The following LDLRAD4 variants were observed in gnomAD, a reference collection of about 807,000 sequenced individuals.
LDLRAD4 encodes low-density lipoprotein receptor class A domain-containing protein 4.
In LDLRAD4, 5 loss-of-function variants were observed where a neutral mutation model predicts 17.0. The observed-to-expected ratio is 0.29, with a 90% confidence interval of 0.15 to 0.62. LDLRAD4 has a LOEUF of 0.62. LDLRAD4 is among the 20% of genes least tolerant of loss of function. The pLI, the probability that LDLRAD4 is intolerant of heterozygous loss-of-function variation, is 0.84. For missense variants in LDLRAD4, 340 were observed against 424.7 expected, an observed-to-expected ratio of 0.80 and a Z score of 1.75; for synonymous variants, 168 against 171.8, an observed-to-expected ratio of 0.98 and a Z score of 0.17.
At chr18:13,242,376 AG>A (rs1310219513) in intron 1 of LDLRAD4, among the ~76,000 whole-genome samples, 1 of 152,210 alleles carries the variant, frequency 6.6e-6, no homozygotes, top group Non-Finnish European at 1.5e-5. Context: ...CTTTGGTTTC[AG>A]GCCTGGAGCT....
intron 2 of LDLRAD4, among the ~76,000 whole-genome samples, chr18:13,391,434 A>C (rs1001358875): frequency 6.6e-6 from 1 of 152,004 alleles, no homozygotes; most frequent in Non-Finnish European, 1.5e-5. Context: ...GATGGAGTTC[A>C]CTCTGACCTC....
chr18:13,652,168 G>A (rs1337384554), exon 6 of LDLRAD4: 1 of 152,192 alleles, frequency 6.6e-6, no homozygotes, highest in African/African-American at 2.4e-5. Flanking sequence ...GCATGAGAAT[G>A]TTCTAGACTC....
intron 3 of LDLRAD4, among the ~76,000 whole-genome samples, chr18:13,550,855 C>T (rs2094426421): frequency 6.6e-6 from 1 of 152,088 alleles, no homozygotes; most frequent in Non-Finnish European, 1.5e-5. Context: ...GCAGGGCCGA[C>T]TTCTGTTTGG....
chr18:13,482,421 C>T (rs1289737328), intron 3 of LDLRAD4, among the ~76,000 whole-genome samples: 5 of 152,210 alleles, frequency 3.3e-5, no homozygotes, highest in African/African-American at 4.8e-5. Context: ...CTCCCATGAG[C>T]GTGAGCACAC....
At chr18:13,536,410 AT>A (rs1410286233) in intron 3 of LDLRAD4, among the ~76,000 whole-genome samples, 2 of 152,154 alleles carry the variant, frequency 1.3e-5, no homozygotes, top group African/African-American at 4.8e-5. Flanking sequence ...TAAAATTTTC[AT>A]TTTAAGTCAC....
intron 3 of LDLRAD4, among the ~76,000 whole-genome samples, chr18:13,506,256 A>G (rs1286321864): frequency 6.6e-6 from 1 of 151,610 alleles, no homozygotes; most frequent in Non-Finnish European, 1.5e-5. Flanking sequence ...GTTCTAGGGT[A>G]CATGTGCATA....
At chr18:13,451,702 A>G (rs2091846515) in intron 3 of LDLRAD4, among the ~76,000 whole-genome samples, 1 of 152,168 alleles carries the variant, frequency 6.6e-6, no homozygotes, top group African/African-American at 2.4e-5. Context: ...GTGTCTGGCG[A>G]GGGCTTGCAT....
intron 3 of LDLRAD4, among the ~76,000 whole-genome samples, chr18:13,492,930 A>G (rs2093388974): frequency 6.6e-6 from 1 of 152,090 alleles, no homozygotes; most frequent in African/African-American, 2.4e-5. Context: ...CAGCCTGGGC[A>G]GCATAGCAAG....
intron 3 of LDLRAD4, among the ~76,000 whole-genome samples, chr18:13,590,338 AGTGTGT>A (rs10526136): frequency 3.4e-5 from 5 of 145,964 alleles, no homozygotes; most frequent in South Asian, 4.4e-4. Flanking sequence ...GTGGGGGGTA[AGTGTGT>A]GTGTGTGCGT....
At chr18:13,642,366 C>T in intron 4 of LDLRAD4, 1 of 1,023,138 alleles carries the variant, frequency 9.8e-7, no homozygotes, top group Non-Finnish European at 1.2e-6. Flanking sequence ...TGCTGACAGC[C>T]ACACTCTGGG....
chr18:13,460,469 G>A (rs2092375344), intron 3 of LDLRAD4, among the ~76,000 whole-genome samples: 1 of 152,246 alleles, frequency 6.6e-6, no homozygotes, highest in African/African-American at 2.4e-5. Context: ...TGGGATTACA[G>A]GCATGAGCCA....
chr18:13,558,860 AC>A (rs1352072669), intron 3 of LDLRAD4, among the ~76,000 whole-genome samples: 2 of 152,102 alleles, frequency 1.3e-5, no homozygotes, highest in African/African-American at 4.8e-5. Context: ...GCATTACATA[AC>A]CTTGAATTCT....
At position 13,407,023 on chromosome 18, in the gene LDLRAD4, C is replaced by T. The variant is rs535812935; in HGVS notation, c.40+19261C>T. Among the ~76,000 whole-genome samples the T allele has an allele frequency of 1.1e-3, 168 of 152,322 alleles. No individual in the cohort carries two copies. The Middle Eastern group carries it at 0.014, about 12-fold the overall frequency. ...TCTGCCCTTTCATATGTGCGATAAA[C>T]TTAGCACGGCGTGGCGGGCTGCAGG... is the stretch of plus-strand genomic sequence containing the variant. On this transcript the variant is annotated intron_variant, in intron 2 of 5. Coordinates refer to ENST00000359446, the Ensembl canonical transcript of LDLRAD4.
intron 1 of LDLRAD4, among the ~76,000 whole-genome samples, chr18:13,333,257 G>A (rs2081956527): frequency 6.6e-6 from 1 of 151,984 alleles, no homozygotes; most frequent in Non-Finnish European, 1.5e-5. Context: ...TTTTAAATTG[G>A]GTTGTTTGTT....
chr18:13,543,308 T>C (rs2094312486), intron 3 of LDLRAD4: 1 of 152,166 alleles, frequency 6.6e-6, no homozygotes, highest in Admixed American at 6.5e-5. Context: ...TCATCCTATA[T>C]CTGCAGCCTT....
chr18:13,594,680 A>G (rs1033196638), intron 3 of LDLRAD4, among the ~76,000 whole-genome samples: 3 of 148,838 alleles, frequency 2.0e-5, no homozygotes, highest in Admixed American at 2.0e-4. Context: ...AAAAAAAAAA[A>G]AAAAAAAAAG....
chr18:13,314,974 A>G (rs2080850128), intron 1 of LDLRAD4, among the ~76,000 whole-genome samples: 1 of 152,186 alleles, frequency 6.6e-6, no homozygotes, highest in African/African-American at 2.4e-5. Flanking sequence ...TTGGCCTTCC[A>G]GAATGCTGGG....
At chr18:13,494,731 A>AT (rs2093430838) in intron 3 of LDLRAD4, among the ~76,000 whole-genome samples, 9 of 146,236 alleles carry the variant, frequency 6.2e-5, no homozygotes, top group African/African-American at 2.3e-4. Flanking sequence ...TACACATTGA[A>AT]TAAATGACAC....
intron 3 of LDLRAD4, among the ~76,000 whole-genome samples, chr18:13,581,609 T>C (rs1001303605): frequency 3.9e-5 from 6 of 152,238 alleles, no homozygotes; most frequent in Non-Finnish European, 8.8e-5. Flanking sequence ...TTTCTATTCA[T>C]CCTTGTCTAA....
Sources: allele counts gnomAD v4.1 joint callset (sites outside exome capture counted in the v4.1 genomes callset), GRCh38; gene constraint gnomAD v4.1.1; transcripts MANE v1.5; gene names NCBI Gene and HGNC (gene_info 2026-07-23, HGNC 2026-07-21).